The following PDHB variants were observed in gnomAD, a reference collection of about 807,000 sequenced individuals.
The protein encoded by PDHB is pyruvate dehydrogenase E1 component subunit beta, mitochondrial.
Under a neutral mutation model 42.8 loss-of-function variants are expected in PDHB, and 17 were observed. The observed-to-expected ratio is 0.40, with a 90% confidence interval of 0.27 to 0.60. The LOEUF (loss-of-function observed/expected upper bound fraction) is 0.60. Among genes scored for constraint, PDHB ranks in the 20% least tolerant of loss-of-function variants. The pLI is 0.46. For synonymous variants in PDHB, 154 were observed against 148.7 expected (o/e 1.04, Z -0.26); for missense variants, 322 against 451.3 (o/e 0.71, Z 2.60).
chr3:58,432,150 CAT>C (rs1445280977), intron 2 of PDHB, 166 bp from the exon 3 acceptor site: 5 of 660,432 alleles, frequency 7.6e-6, no homozygotes, highest in African/African-American at 1.8e-5. Flanking sequence ...TTCTATTACA[CAT>C]AGTTGGTCTT....
chr3:58,430,543 CA>C (rs1236135119), intron 6 of PDHB, 113 bp downstream of exon 6: 2 of 875,764 alleles, frequency 2.3e-6, no homozygotes, highest in African/African-American at 3.4e-5. Context: ...AAAGTATTAA[CA>C]TTCTATACGA....
chr3:58,433,598 C>T (rs2062942990), intron 2 of PDHB, 33 bp downstream of exon 2: 5 of 1,593,706 alleles, frequency 3.1e-6, no homozygotes, highest in African/African-American at 2.7e-5. Flanking sequence ...GGACCCTCCC[C>T]GCCCTCGTCC....
chr3:58,428,690 T>A, intron 8 of PDHB, 76 bp from the exon 9 acceptor site: 1 of 1,095,754 alleles, frequency 9.1e-7, no homozygotes, highest in Non-Finnish European at 1.3e-6. Flanking sequence ...TACCATTTCC[T>A]TTTTTGTTTC....
chr3:58,429,316 T>G (rs142371617), intron 8 of PDHB, among the ~76,000 whole-genome samples: 130 of 152,276 alleles, frequency 8.5e-4, no homozygotes, highest in African/African-American at 2.8e-3. Flanking sequence ...GGTGAGTTTC[T>G]AAAAGATCCA....
intron 7 of PDHB, 105 bp downstream of exon 7, chr3:58,430,023 C>A: frequency 1.3e-6 from 1 of 772,126 alleles, no homozygotes. Context: ...TGAGCTCATC[C>A]TATAATTTTT....
intron 7 of PDHB, 92 bp downstream of exon 7, chr3:58,430,032 TTCAG>T: frequency 1.2e-6 from 1 of 803,196 alleles, no homozygotes; most frequent in Non-Finnish European, 2.2e-6. Flanking sequence ...CCTATAATTT[TTCAG>T]TCAAAGTAAA....
rs552159384 is a variant in PDHB at position 58,433,649 on chromosome 3, G to T, written c.78C>A (p.Thr26=). The T allele has an allele frequency of 6.2e-7, 1 of 1,612,100 alleles. No individual in the cohort carries two copies. The highest frequency in any genetic ancestry group is 2.2e-5 in the East Asian group (1 of 44,836). Residue 26 remains threonine, a synonymous_variant, in exon 2 of 10, where the codon ACC becomes ACA. Coordinates refer to ENST00000302746, the MANE Select transcript of PDHB (RefSeq NM_000925.4). ...SGLLKRRFHW[T]APAALQVTVR... ...CTGTTACCTGCAGCGCAGCCGGCGCGGTCCAGTGAAAGCGCCTCTTCAGCA... is the reference window on the plus strand; with the variant it reads ...CTGTTACCTGCAGCGCAGCCGGCGCTGTCCAGTGAAAGCGCCTCTTCAGCA...
chr3:58,433,479 A>G, intron 2 of PDHB, 152 bp downstream of exon 2: 1 of 807,058 alleles, frequency 1.2e-6, no homozygotes, highest in Middle Eastern at 3.5e-4. Context: ...AGGCGGCGAC[A>G]GAGGCAGCAG....
intron 2 of PDHB, chr3:58,432,239 C>T (rs1425597921): frequency 2.0e-6 from 1 of 497,220 alleles, no homozygotes; most frequent in Non-Finnish European, 3.6e-6. Context: ...GTAGGAGTTG[C>T]TCTTTTAATA....
chr3:58,428,675 C>A, intron 8 of PDHB, 61 bp from the exon 9 acceptor site: 1 of 1,405,282 alleles, frequency 7.1e-7, no homozygotes, highest in Non-Finnish European at 1.0e-6. Context: ...GCCTTATCCC[C>A]ATAATACCAT....
chr3:58,429,855 C>A, intron 7 of PDHB, 56 bp from the exon 8 acceptor site: 1 of 1,002,122 alleles, frequency 1.0e-6, no homozygotes, highest in South Asian at 1.3e-5. Context: ...GATGCTACAC[C>A]ACTGTGCCGC....
chr3:58,433,829 C>T lies in PDHB; in HGVS notation c.-20G>A. Reference sequence around the variant, plus strand: ...CGCCATCTTGGTCGTGTCCTCTATCCGCTGCCAAACGACAACAGAGGGGCC... The same window carrying T: ...CGCCATCTTGGTCGTGTCCTCTATCTGCTGCCAAACGACAACAGAGGGGCC... On this transcript the variant is annotated 5_prime_UTR_variant, in exon 1 of 10. Transcript: ENST00000302746. 1.2e-6 allele frequency: 2 copies of T among 1,606,730 alleles called. No individual in the cohort carries two copies. Among genetic ancestry groups the T allele is most frequent in the Admixed American group, 1.7e-5 (1 of 59,360 alleles).
chr3:58,432,012 T>G, intron 2 of PDHB, 28 bp from the exon 3 acceptor site: 1 of 1,482,220 alleles, frequency 6.7e-7, no homozygotes, highest in Non-Finnish European at 9.4e-7. Flanking sequence ...AAACAGTCAA[T>G]ACAGAATTGT....
Position 58,428,688 on chromosome 3 carries a change from CCT to C in PDHB, c.793-76_793-75del, listed in dbSNP as rs143575120. ...GAGCCTTATCCCCATAATACCATTT[CCT>C]TTTTTGTTTCCTGTTAATCTTTGTA... On this transcript the variant is annotated intron_variant, in intron 8 of 9. Transcript: ENST00000302746. 0.088 allele frequency: 117,320 copies of C among 1,330,204 alleles called. 6,997 individuals carry two copies. Among genetic ancestry groups the C allele is most frequent in the African/African-American group, 0.28 (19,255 of 69,554 alleles). The allele number at this position is 1,330,204 out of a possible 1,614,324, so 82.4% of individuals were successfully genotyped here. A position where few individuals can be genotyped will look rare whatever the true frequency, so the allele number is the denominator to read the frequency against.
chr3:58,429,502 CAAAAA>C (rs201392364), intron 8 of PDHB, among the ~76,000 whole-genome samples: 1 of 149,434 alleles, frequency 6.7e-6, no homozygotes, highest in African/African-American at 2.5e-5. Context: ...CACTGTCTCT[CAAAAA>C]AAAAGATCCA....
chr3:58,432,237 T>C (rs1165680121), intron 2 of PDHB: 1 of 504,034 alleles, frequency 2.0e-6, no homozygotes, highest in Non-Finnish European at 3.6e-6. Context: ...ATGTAGGAGT[T>C]GCTCTTTTAA....
rs759598078 is a variant in PDHB, at chr3:58,433,731, G to C, written c.42+37C>G. ...GACGGCGGGACGCAGGGTGGGCAGG[G>C]GTCGCGTGGGAATACAGGCCGCGCG... On this transcript the variant is annotated intron_variant, in intron 1 of 9. Transcript: ENST00000302746. 3.7e-6 allele frequency: 6 copies of C among 1,612,350 alleles called. No homozygotes were observed. In the African/African-American group the frequency reaches 5.3e-5, roughly 14 times the overall value.
At chr3:58,430,277 C>T (rs1272547579) in intron 6 of PDHB, 39 bp from the exon 7 acceptor site, 1 of 1,309,630 alleles carries the variant, frequency 7.6e-7, no homozygotes, top group Middle Eastern at 1.8e-4. Flanking sequence ...TAATTAATCA[C>T]ATCCAGAATG....
At chr3:58,430,570 C>A in intron 6 of PDHB, 87 bp downstream of exon 6, 1 of 1,084,364 alleles carries the variant, frequency 9.2e-7, no homozygotes, top group Non-Finnish European at 1.4e-6. Flanking sequence ...CTAAGCCTAA[C>A]TAAAAGACTT....
Sources: allele counts gnomAD v4.1 joint callset (sites outside exome capture counted in the v4.1 genomes callset), GRCh38; gene constraint gnomAD v4.1.1; transcripts MANE v1.5; gene names NCBI Gene and HGNC (gene_info 2026-07-23, HGNC 2026-07-21).